Variants in ADAMTS20 observed in about 807,000 individuals in gnomAD.
ADAMTS20 encodes the protein A disintegrin and metalloproteinase with thrombospondin motifs 20.
Under a neutral mutation model 260.1 loss-of-function variants are expected in ADAMTS20, and 225 were observed. That is an observed-to-expected ratio of 0.87 (90% CI 0.78 to 0.97). ADAMTS20 has a LOEUF of 0.97. Among genes scored for constraint, ADAMTS20 ranks in the 50% least tolerant of loss-of-function variants. ADAMTS20 has a pLI of 0.00. For synonymous variants in ADAMTS20, 802 were observed against 769.5 expected, an observed-to-expected ratio of 1.04 and a Z score of -0.70; for missense variants, 2,400 against 2,337.7, an observed-to-expected ratio of 1.03 and a Z score of -0.55.
At chr12:43,426,696 G>C (rs1250917009) in intron 27 of ADAMTS20, among the ~76,000 whole-genome samples, 1 of 152,046 alleles carries the variant, frequency 6.6e-6, no homozygotes, top group Non-Finnish European at 1.5e-5. Flanking sequence ...CTTAGTAATA[G>C]GATTAAACAT....
chr12:43,382,636 T>A (rs1940378734), intron 31 of ADAMTS20, among the ~76,000 whole-genome samples: 1 of 152,040 alleles, frequency 6.6e-6, no homozygotes, highest in South Asian at 2.1e-4. Flanking sequence ...TAGAATTAGA[T>A]GTCCAGAAGA....
At chr12:43,371,990 G>T (rs1172810213) in intron 36 of ADAMTS20, among the ~76,000 whole-genome samples, 4 of 152,164 alleles carry the variant, frequency 2.6e-5, no homozygotes, top group Non-Finnish European at 5.9e-5. Flanking sequence ...AAACATTTGG[G>T]TTTGACAGCA....
rs561678368 is a variant in ADAMTS20, at chr12:43,544,955, C to T, written c.453+5954G>A. On this transcript the variant is annotated intron_variant, in intron 2 of 38. Transcript: ENST00000389420. ...CTGTGCATTGTGGGATATTGCTGGC[C>T]TGTACCCATGCTCTGCCAGTAGCAT... is the stretch of plus-strand genomic sequence containing the variant. Among the ~76,000 whole-genome samples the T allele has an allele frequency of 3.9e-5, 6 of 152,230 alleles. No homozygotes were observed. In the East Asian group the frequency reaches 1.2e-3, roughly 29 times the overall value.
intron 29 of ADAMTS20, among the ~76,000 whole-genome samples, chr12:43,388,545 T>C (rs1940532667): frequency 6.6e-6 from 1 of 152,230 alleles, no homozygotes; most frequent in Admixed American, 6.5e-5. Flanking sequence ...CTGTGTAAAC[T>C]GTAAACTTAG....
intron 3 of ADAMTS20, among the ~76,000 whole-genome samples, chr12:43,528,685 A>G (rs192938308): frequency 6.6e-6 from 1 of 152,112 alleles, no homozygotes; most frequent in Non-Finnish European, 1.5e-5. Flanking sequence ...TAAATCTAAG[A>G]CCTGAAACCA....
chr12:43,418,544 C>T (rs1053228151), intron 28 of ADAMTS20, among the ~76,000 whole-genome samples: 2 of 152,152 alleles, frequency 1.3e-5, no homozygotes, highest in South Asian at 2.1e-4. Context: ...TTACTGACCT[C>T]GTGATCTGCC....
At chr12:43,467,931 G>A (rs181041578) in intron 8 of ADAMTS20, among the ~76,000 whole-genome samples, 1 of 152,190 alleles carries the variant, frequency 6.6e-6, no homozygotes, top group East Asian at 1.9e-4. Context: ...AGAAACACCA[G>A]GAGTTCTGAG....
intron 3 of ADAMTS20, among the ~76,000 whole-genome samples, chr12:43,530,112 G>A (rs189855982): frequency 9.2e-5 from 14 of 152,016 alleles, no homozygotes; most frequent in Non-Finnish European, 1.6e-4. Context: ...ATGAAATTAC[G>A]TAGCTTTCTA....
intron 7 of ADAMTS20, among the ~76,000 whole-genome samples, chr12:43,474,105 G>C (rs557880724): frequency 5.3e-5 from 8 of 151,420 alleles, no homozygotes; most frequent in African/African-American, 1.9e-4. Context: ...GACTAATAAA[G>C]AAAAAAAGAG....
At position 43,532,072 on chromosome 12, in the gene ADAMTS20, A is replaced by T. The variant is rs754344781; in HGVS notation, c.577T>A (p.Ser193Thr). ...CAATACTTCAGAGTCTGCAGAAAAG[A>T]GTTATTTAAGTCTTGTCTGTATATA... ...HLIYRQDLNN[S>T]FLQTLKYCSV... The change falls in exon 3 of 39, where the codon TCT (serine) becomes ACT (threonine). Residue 193 changes from serine to threonine, a missense_variant. Ser to Thr is a moderately conservative substitution (Grantham distance 58). Transcript: ENST00000389420. 1.6e-5 allele frequency: 25 copies of T among 1,606,646 alleles called. No homozygotes were observed. Among genetic ancestry groups the T allele is most frequent in the Non-Finnish European group, 2.1e-5 (25 of 1,176,176 alleles).
intron 2 of ADAMTS20, among the ~76,000 whole-genome samples, chr12:43,532,722 A>T (rs1943242995): frequency 1.2e-5 from 1 of 82,744 alleles, no homozygotes; most frequent in Non-Finnish European, 2.4e-5. Context: ...ACCCCACCAC[A>T]GTCCCCAGAG....
chr12:43,432,474 TAAA>T lies in ADAMTS20; in HGVS notation c.2932-9_2932-7del, dbSNP rs201811876. On this transcript the variant is annotated splice_region_variant and splice_polypyrimidine_tract_variant and intron_variant, in intron 20 of 38. Coordinates refer to ENST00000389420, the MANE Select transcript of ADAMTS20 (RefSeq NM_025003.5). Reference sequence around the variant, plus strand: ...CCTCCACAACTCCTGGAACACTGATTAAAAAAAAAAAAGTGGTAACTAATGGAA... The same window carrying T: ...CCTCCACAACTCCTGGAACACTGATTAAAAAAAAAGTGGTAACTAATGGAA... 7.7e-6 allele frequency: 10 copies of T among 1,300,330 alleles called. No individual in the cohort carries two copies. Among genetic ancestry groups the T allele is most frequent in the Non-Finnish European group, 1.1e-5 (10 of 941,920 alleles). The allele number at this position is 1,300,330 out of a possible 1,614,324, so 80.5% of individuals were successfully genotyped here. A position where few individuals can be genotyped will look rare whatever the true frequency, so the allele number is the denominator to read the frequency against.
intron 7 of ADAMTS20, among the ~76,000 whole-genome samples, chr12:43,478,194 G>C (rs1942388641): frequency 6.6e-6 from 1 of 151,780 alleles, no homozygotes. Context: ...AAAACGAACA[G>C]GTAGATTTTT....
chr12:43,364,975 T>C (rs182156997), intron 37 of ADAMTS20, among the ~76,000 whole-genome samples: 88 of 151,834 alleles, frequency 5.8e-4, no homozygotes, highest in Admixed American at 5.0e-3. Flanking sequence ...AGTAAAGACA[T>C]TGAAAGACAA....
intron 2 of ADAMTS20, among the ~76,000 whole-genome samples, chr12:43,538,153 T>C (rs1943323195): frequency 6.6e-6 from 1 of 152,218 alleles, no homozygotes; most frequent in Non-Finnish European, 1.5e-5. Context: ...AAGTGTTCCC[T>C]TTTTGACACA....
rs1191238619 is a variant in ADAMTS20, at chr12:43,376,437, TG to T, written c.5125+86del. On this transcript the variant is annotated intron_variant, in intron 33 of 38. Coordinates refer to ENST00000389420, the MANE Select transcript of ADAMTS20 (RefSeq NM_025003.5). The stretch of plus-strand genomic sequence containing the variant: ...TCTGAATATCTGACACTTTGTTTTG[TG>T]GAGTGTGAAACTACTACAGATATTT... 2.0e-6 allele frequency: 3 copies of T among 1,473,602 alleles called. No homozygotes were observed. In the African/African-American group the frequency reaches 4.2e-5, roughly 21 times the overall value. 91.3% of individuals were successfully genotyped at this position (1,473,602 alleles called of 1,614,324 possible).
chr12:43,482,032 CT>C, intron 7 of ADAMTS20, among the ~76,000 whole-genome samples: 1 of 151,984 alleles, frequency 6.6e-6, no homozygotes, highest in Non-Finnish European at 1.5e-5. Flanking sequence ...GGCGTTAACC[CT>C]ACCCAGTGCT....
chr12:43,542,305 A>C (rs1943387577), intron 2 of ADAMTS20, among the ~76,000 whole-genome samples: 3 of 152,226 alleles, frequency 2.0e-5, no homozygotes, highest in Admixed American at 2.0e-4. Flanking sequence ...CTATAATGGA[A>C]ACATACTCAT....
Position 43,493,171 on chromosome 12 carries a change from T to G in ADAMTS20, c.950A>C (p.Glu317Ala), listed in dbSNP as rs147194751. The change falls in exon 5 of 39, where the codon GAG (glutamate) becomes GCG (alanine). Residue 317 changes from glutamate to alanine, a missense_variant and splice_region_variant. By Grantham distance (107) the Glu-to-Ala change is moderately radical. Coordinates refer to ENST00000389420, the MANE Select transcript of ADAMTS20 (RefSeq NM_025003.5). ...ACTAATTTTAGACCTGTTTCTTACCTCCTCACGGTGAATCATAACTAATTT... is the reference window on the plus strand; with the variant it reads ...ACTAATTTTAGACCTGTTTCTTACCGCCTCACGGTGAATCATAACTAATTT... ...VVKLVMIHRE[E>A]EGPVINFDGA... 5.3e-4 allele frequency: 817 copies of G among 1,555,218 alleles called. 1 individual carries two copies. Among genetic ancestry groups the G allele is most frequent in the Middle Eastern group, 7.2e-4 (4 of 5,528 alleles).
Sources: allele counts gnomAD v4.1 joint callset (sites outside exome capture counted in the v4.1 genomes callset), GRCh38; gene constraint gnomAD v4.1.1; transcripts MANE v1.5; gene names NCBI Gene and HGNC (gene_info 2026-07-23, HGNC 2026-07-21).